Variants in IL1RAPL1 observed in about 807,000 individuals in gnomAD.
IL1RAPL1 encodes interleukin 1 receptor accessory protein like 1.
In IL1RAPL1, 3 loss-of-function variants were observed where a neutral mutation model predicts 48.4. The ratio of observed to expected loss-of-function variants is 0.06; its 90% confidence interval spans 0.03 to 0.16. The LOEUF is 0.16. IL1RAPL1 is among the 10% of genes least tolerant of loss of function. The pLI is 1.00. For synonymous variants in IL1RAPL1, 185 were observed against 187.7 expected, an observed-to-expected ratio of 0.99 and a Z score of 0.12; for missense variants, 349 against 530.6, an observed-to-expected ratio of 0.66 and a Z score of 3.36.
At chrX:29,436,498 G>T (rs1934483476) in intron 5 of IL1RAPL1, among the ~76,000 whole-genome samples, 1 of 108,896 alleles carries the variant, frequency 9.2e-6, no homozygotes, top group Admixed American at 9.8e-5. Flanking sequence ...GGACTTCTGA[G>T]AAAAAAATAC....
At chrX:28,629,693 G>A (rs1213533316) in intron 1 of IL1RAPL1, among the ~76,000 whole-genome samples, 2 of 111,736 alleles carry the variant, frequency 1.8e-5, no homozygotes, top group East Asian at 5.7e-4. Context: ...CCGGGAGCAT[G>A]TCAGAACATT....
At chrX:28,924,715 C>T (rs148614568) in intron 2 of IL1RAPL1, among the ~76,000 whole-genome samples, 109 of 111,987 alleles carry the variant, frequency 9.7e-4, no homozygotes, top group East Asian at 6.2e-3. Flanking sequence ...GTGGCTCTCA[C>T]GTGAAACATC....
intron 1 of IL1RAPL1, among the ~76,000 whole-genome samples, chrX:28,771,899 C>T (rs765692259): frequency 1.0e-5 from 1 of 96,507 alleles, no homozygotes; most frequent in African/African-American, 3.9e-5. Context: ...CCACTGCAGT[C>T]CGCAGTCCGG....
At chrX:29,227,044 G>A (rs774220036) in intron 2 of IL1RAPL1, among the ~76,000 whole-genome samples, 19 of 108,623 alleles carry the variant, frequency 1.7e-4, no homozygotes, top group African/African-American at 5.7e-4. Flanking sequence ...TGAATCACCT[G>A]CGTGGACACT....
At chrX:29,667,684 T>C (rs1266709104) in intron 5 of IL1RAPL1, among the ~76,000 whole-genome samples, 1 of 111,905 alleles carries the variant, frequency 8.9e-6, no homozygotes, top group Non-Finnish European at 1.9e-5. Context: ...AGATTTCTAA[T>C]GGCAAACTCT....
At chrX:29,136,488 G>A (rs1183792659) in intron 2 of IL1RAPL1, among the ~76,000 whole-genome samples, 4 of 111,465 alleles carry the variant, frequency 3.6e-5, no homozygotes, top group Non-Finnish European at 5.6e-5. Flanking sequence ...CTCACTGTGT[G>A]ATCTTTTTTA....
chrX:29,726,270 T>C lies in IL1RAPL1; in HGVS notation c.778+57766T>C, dbSNP rs755614960. 3.6e-5 allele frequency among the ~76,000 whole-genome samples: 4 copies of C among 112,544 alleles called. No homozygotes were observed. The South Asian group carries it at 1.5e-3, about 41-fold the overall frequency. ...TATAAAATTATATGTATTTATCTTG[T>C]ACAACATAATGATTTAAAGCATATA... On this transcript the variant is annotated intron_variant, in intron 6 of 10. Coordinates refer to ENST00000378993, the MANE Select transcript of IL1RAPL1 (RefSeq NM_014271.4).
chrX:29,924,830 T>C (rs1932873025), intron 8 of IL1RAPL1, among the ~76,000 whole-genome samples: 1 of 112,148 alleles, frequency 8.9e-6, no homozygotes, highest in Admixed American at 9.4e-5. Context: ...GTGTGCACTC[T>C]CTTTATCCCT....
chrX:28,589,786 CTGT>C (rs1933888408), intron 1 of IL1RAPL1, among the ~76,000 whole-genome samples: 1 of 111,808 alleles, frequency 8.9e-6, no homozygotes, highest in Admixed American at 9.5e-5. Context: ...TCAGAAATGA[CTGT>C]TTTGTCCCTT....
At chrX:29,488,671 ATATAAC>A (rs1935123824) in intron 5 of IL1RAPL1, among the ~76,000 whole-genome samples, 1 of 111,091 alleles carries the variant, frequency 9.0e-6, no homozygotes, top group African/African-American at 3.3e-5. Context: ...GGTGGTGCAT[ATATAAC>A]TATGAGAGGT....
intron 6 of IL1RAPL1, among the ~76,000 whole-genome samples, chrX:29,891,828 T>C (rs12843027): frequency 0.068 from 7,507 of 111,136 alleles, 296 homozygotes; most frequent in Admixed American, 0.18. Context: ...TACTAAAGAT[T>C]TGTGAAATTC....
intron 1 of IL1RAPL1, among the ~76,000 whole-genome samples, chrX:28,610,853 G>C (rs906676651): frequency 1.8e-4 from 20 of 111,419 alleles, no homozygotes; most frequent in African/African-American, 6.2e-4. Flanking sequence ...CCATGATGTT[G>C]ATATTGTTGG....
chrX:29,260,978 T>TA (rs1304547325), intron 2 of IL1RAPL1, among the ~76,000 whole-genome samples: 9 of 107,732 alleles, frequency 8.4e-5, no homozygotes, highest in African/African-American at 3.0e-4. Context: ...GTATAGACAG[T>TA]AAAAATAATA....
At chrX:29,880,953 G>GT (rs201297459) in intron 6 of IL1RAPL1, among the ~76,000 whole-genome samples, 1,177 of 111,459 alleles carry the variant, frequency 0.011, 13 homozygotes, top group African/African-American at 0.035. Context: ...CCTGAGAAAT[G>GT]TTCGCCAACC....
chrX:29,197,998 C>A (rs1276358332), intron 2 of IL1RAPL1, among the ~76,000 whole-genome samples: 5 of 111,321 alleles, frequency 4.5e-5, no homozygotes, highest in African/African-American at 1.6e-4. Context: ...CGTGAGCCAC[C>A]GTGCCCGGCC....
intron 5 of IL1RAPL1, among the ~76,000 whole-genome samples, chrX:29,507,455 A>G (rs955623184): frequency 3.3e-4 from 11 of 33,310 alleles, no homozygotes; most frequent in African/African-American, 1.3e-3. Context: ...CCCAGGCTGG[A>G]ATGCAGTGGC....
rs762864120 is a variant in IL1RAPL1, at chrX:29,418,421, C to T, written c.703+19113C>T. On this transcript the variant is annotated intron_variant, in intron 5 of 10. Coordinates refer to ENST00000378993, the MANE Select transcript of IL1RAPL1 (RefSeq NM_014271.4). ...GATTACAGGCGTGAGCCACTGCGCC[C>T]GGCCAAAAAAATAAAATATATTTTA... is the stretch of plus-strand genomic sequence containing the variant. Among the ~76,000 whole-genome samples the T allele has an allele frequency of 1.7e-4, 18 of 109,038 alleles. 1 individual carries two copies. The highest frequency in any genetic ancestry group is 4.0e-4 in the African/African-American group (12 of 30,021). The allele number at this position is 109,038 out of a possible 115,157, so 94.7% of individuals were successfully genotyped here.
chrX:28,610,796 T>G (rs1354015043), intron 1 of IL1RAPL1, among the ~76,000 whole-genome samples: 1 of 111,027 alleles, frequency 9.0e-6, no homozygotes, highest in Non-Finnish European at 1.9e-5. Context: ...TCAGTAGGTC[T>G]GCGGTGGAGC....
intron 2 of IL1RAPL1, among the ~76,000 whole-genome samples, chrX:28,969,357 C>T (rs1436932737): frequency 9.0e-6 from 1 of 111,215 alleles, no homozygotes; most frequent in African/African-American, 3.3e-5. Context: ...CTTAAAGTTA[C>T]ATGATTTTTA....
Sources: gnomAD v4.1 joint callset for allele counts (sites outside exome capture counted in the v4.1 genomes callset) on GRCh38, gnomAD v4.1.1 for gene constraint, MANE v1.5 for transcripts, NCBI Gene and HGNC (gene_info 2026-07-23, HGNC 2026-07-21) for gene names.